HIBCH: variants seen among roughly 807,000 people sequenced by gnomAD.
The protein encoded by HIBCH is 3-hydroxyisobutyryl-CoA hydrolase, also known as 3-hydroxyisobutyryl-CoA hydrolase, mitochondrial.
In HIBCH, 50 loss-of-function variants were observed where a neutral mutation model predicts 58.2. That is an observed-to-expected ratio of 0.86 (90% CI 0.68 to 1.09). HIBCH has a LOEUF of 1.09. Among genes scored for constraint, HIBCH ranks in the 50% least tolerant of loss-of-function variants. The pLI is 0.00. For missense variants in HIBCH, 450 were observed against 449.7 expected (o/e 1.00, Z -0.01); for synonymous variants, 151 against 146.9 (o/e 1.03, Z -0.20).
intron 11 of HIBCH, among the ~76,000 whole-genome samples, chr2:190,218,140 A>G (rs1359875089): frequency 7.2e-5 from 11 of 151,820 alleles, no homozygotes; most frequent in Admixed American, 7.2e-4. Context: ...CCTTGTGGGA[A>G]TTTACGGAAC....
downstream of HIBCH, chr2:190,199,813 T>C: frequency 6.3e-7 from 1 of 1,591,358 alleles, no homozygotes. Flanking sequence ...AAAGATGGCC[T>C]GGAAGTAGTC....
chr2:190,201,771 A>G (rs1470286176), downstream of HIBCH: 1 of 167,070 alleles, frequency 6.0e-6, no homozygotes, highest in African/African-American at 2.4e-5. Context: ...TTTATATAAT[A>G]GAAAAACAAC....
chr2:190,198,645 A>G (rs1690092175), intron 1 of HIBCH, among the ~76,000 whole-genome samples: 1 of 151,716 alleles, frequency 6.6e-6, no homozygotes, highest in Admixed American at 6.6e-5. Context: ...AAAAAAAAAA[A>G]AAAAAAAAAA....
intron 1 of HIBCH, among the ~76,000 whole-genome samples, chr2:190,314,005 T>G (rs1490627457): frequency 6.6e-6 from 1 of 152,088 alleles, no homozygotes; most frequent in East Asian, 1.9e-4. Context: ...CCAGAATGAC[T>G]TTGGATTCCT....
At chr2:190,303,762 C>G (rs1688330693) in intron 2 of HIBCH, among the ~76,000 whole-genome samples, 1 of 152,096 alleles carries the variant, frequency 6.6e-6, no homozygotes, top group Non-Finnish European at 1.5e-5. Flanking sequence ...AAAATAGCAA[C>G]TTTATAGTGG....
At chr2:190,231,441 T>A (rs1322677317) in intron 11 of HIBCH, among the ~76,000 whole-genome samples, 3 of 152,130 alleles carry the variant, frequency 2.0e-5, no homozygotes, top group Non-Finnish European at 4.4e-5. Context: ...ATCATCTCAA[T>A]AGACGCAGCA....
chr2:190,293,848 G>A (rs1688021624), intron 4 of HIBCH, among the ~76,000 whole-genome samples: 2 of 151,700 alleles, frequency 1.3e-5, no homozygotes, highest in Non-Finnish European at 1.5e-5. Context: ...ATAAATACAT[G>A]ACACTGATGC....
chr2:190,287,479 A>G, intron 6 of HIBCH, 107 bp downstream of exon 6: 2 of 775,908 alleles, frequency 2.6e-6, no homozygotes, highest in Admixed American at 4.3e-5. Context: ...TTATGTTTCA[A>G]TGAGTTCTAT....
intron 6 of HIBCH, among the ~76,000 whole-genome samples, chr2:190,270,268 C>T (rs1461360055): frequency 7.0e-6 from 1 of 143,418 alleles, no homozygotes. Context: ...GTTATTACAC[C>T]TTTTTTTTTT....
intron 4 of HIBCH, among the ~76,000 whole-genome samples, chr2:190,291,669 TAA>T (rs1687961201): frequency 6.6e-6 from 1 of 152,184 alleles, no homozygotes; most frequent in Non-Finnish European, 1.5e-5. Context: ...CTGCCTGGCT[TAA>T]AAAACAAATG....
At chr2:190,286,144 G>C (rs762285687) in intron 6 of HIBCH, among the ~76,000 whole-genome samples, 4 of 152,244 alleles carry the variant, frequency 2.6e-5, no homozygotes, top group Non-Finnish European at 4.4e-5. Flanking sequence ...ACCCGGACTT[G>C]AAAGTCATTA....
intron 6 of HIBCH, among the ~76,000 whole-genome samples, chr2:190,286,298 T>TTCTA (rs1553504822): frequency 6.6e-6 from 1 of 152,202 alleles, no homozygotes; most frequent in Non-Finnish European, 1.5e-5. Flanking sequence ...CCAATCATAC[T>TTCTA]TCTATATGAC....
At chr2:190,253,781 C>A (rs985505232) in intron 7 of HIBCH, among the ~76,000 whole-genome samples, 1 of 152,150 alleles carries the variant, frequency 6.6e-6, no homozygotes, top group South Asian at 2.1e-4. Flanking sequence ...TCCACTACAT[C>A]CCTTACTACT....
chr2:190,244,474 A>G (rs3791791), intron 11 of HIBCH, among the ~76,000 whole-genome samples: 45,648 of 152,036 alleles, frequency 0.3, 7,733 homozygotes, highest in East Asian at 0.45. Context: ...CCTCCTGTTT[A>G]GAAAGACCAT....
chr2:190,206,535 C>A lies in HIBCH; in HGVS notation c.1046-1303G>T, dbSNP rs1289190626. On this transcript the variant is annotated intron_variant, in intron 13 of 13. Coordinates refer to ENST00000359678, the MANE Select transcript of HIBCH (RefSeq NM_014362.4). The surrounding 1 kb of genome is among the most constrained non-coding windows in gnomAD (Gnocchi z 5.1). ...ATACAAGTTCGTGCCATGTAGGCAGCTCAGGTTTTGCAAGTCTCCTGAGAT... is the reference window on the plus strand; with the variant it reads ...ATACAAGTTCGTGCCATGTAGGCAGATCAGGTTTTGCAAGTCTCCTGAGAT... 6.6e-6 allele frequency among the ~76,000 whole-genome samples: 1 copy of A among 152,162 alleles called. No homozygotes were observed. The highest frequency in any genetic ancestry group is 6.5e-5 in the Admixed American group (1 of 15,276).
intron 2 of HIBCH, among the ~76,000 whole-genome samples, 193 bp from the exon 3 acceptor site, chr2:190,297,146 A>C (rs1688127343): frequency 6.6e-6 from 1 of 152,146 alleles, no homozygotes; most frequent in Non-Finnish European, 1.5e-5. Flanking sequence ...AATCATACAC[A>C]CCTCCTAAAT....
chr2:190,198,671 A>G (rs915493051), intron 1 of HIBCH, among the ~76,000 whole-genome samples: 1 of 150,876 alleles, frequency 6.6e-6, no homozygotes. Context: ...TTTCAGAAAC[A>G]GATTTTATGA....
At chr2:190,282,585 A>AC (rs1687730688) in intron 6 of HIBCH, among the ~76,000 whole-genome samples, 1 of 152,178 alleles carries the variant, frequency 6.6e-6, no homozygotes, top group South Asian at 2.1e-4. Flanking sequence ...CAACACCACC[A>AC]CACTGGGAAA....
intron 6 of HIBCH, among the ~76,000 whole-genome samples, chr2:190,286,872 A>C (rs1156812987): frequency 6.6e-6 from 1 of 151,902 alleles, no homozygotes; most frequent in Non-Finnish European, 1.5e-5. Context: ...TAAAAAAAAA[A>C]AAACTCAACA....
Sources: gnomAD v4.1 joint callset for allele counts (sites outside exome capture counted in the v4.1 genomes callset) on GRCh38, gnomAD v4.1.1 for gene constraint, Gnocchi (gnomAD v3.1) non-coding constraint, MANE v1.5 for transcripts, NCBI Gene and HGNC (gene_info 2026-07-23, HGNC 2026-07-21) for gene names.